PLAAT4: variants seen among roughly 807,000 people sequenced by gnomAD.
PLAAT4 encodes the protein HRAS-like suppressor 4.
Under a neutral mutation model 14.1 loss-of-function variants are expected in PLAAT4, and 12 were observed. The observed-to-expected ratio is 0.85, with a 90% CI of 0.54 to 1.37. PLAAT4 has a LOEUF of 1.37. Among genes scored for constraint, PLAAT4 ranks in the 40% most tolerant of loss-of-function variants. The pLI is 0.00. For missense variants in PLAAT4, 163 were observed against 211.7 expected, an observed-to-expected ratio of 0.77 and a Z score of 1.43; for synonymous variants, 77 against 79.8, an observed-to-expected ratio of 0.96 and a Z score of 0.19.
In PLAAT4 at chr11:63,536,844, C is replaced by A; in HGVS notation, c.-25C>A. 1 of 1,611,020 alleles carries A rather than the reference C, an allele frequency of 6.2e-7. No individual in the cohort carries two copies. The highest frequency in any genetic ancestry group is 8.5e-7 in the Non-Finnish European group (1 of 1,178,746). On this transcript the variant is annotated 5_prime_UTR_variant, in exon 1 of 4. Transcript: ENST00000255688. ...AAAGCTGATCCACAAACAAGAGGAG[C>A]ACCAGACCTCCTCTTGGCTTCGAGA...
chr11:63,539,546 A>AT lies in PLAAT4; in HGVS notation c.42dup (p.Glu15Ter), dbSNP rs755416447. 7.4e-6 allele frequency: 12 copies of AT among 1,614,000 alleles called. No individual in the cohort carries two copies. Among genetic ancestry groups the AT allele is most frequent in the Non-Finnish European group, 8.5e-7 (1 of 1,179,972 alleles). The stretch of plus-strand genomic sequence containing the variant: ...CCAAGAGCCCAAACCTGGAGACCTG[A>AT]TTGAGATTTTCCGCCTTGGCTATGA... On this transcript the variant is annotated frameshift_variant, in exon 2 of 4. Coordinates refer to ENST00000255688, the MANE Select transcript of PLAAT4 (RefSeq NM_004585.5). LOFTEE classifies it high-confidence loss of function.
chr11:63,542,893 C>A (rs2017332678), intron 2 of PLAAT4, among the ~76,000 whole-genome samples: 1 of 152,106 alleles, frequency 6.6e-6, no homozygotes, highest in African/African-American at 2.4e-5. Flanking sequence ...GTATGTAAAA[C>A]AATGCTTGTG....
At chr11:63,538,327 T>G in intron 1 of PLAAT4, 3 of 354,998 alleles carry the variant, frequency 8.5e-6, no homozygotes, top group Non-Finnish European at 1.1e-5. Flanking sequence ...TTCTGAGGAG[T>G]TGGATATGGA....
intron 2 of PLAAT4, among the ~76,000 whole-genome samples, chr11:63,542,591 T>G (rs1466228576): frequency 6.6e-6 from 1 of 152,208 alleles, no homozygotes; most frequent in Non-Finnish European, 1.5e-5. Context: ...AATATCTGGA[T>G]TTTTGGCTAC....
chr11:63,538,668 G>T (rs2017293256), intron 1 of PLAAT4, among the ~76,000 whole-genome samples: 2 of 152,242 alleles, frequency 1.3e-5, no homozygotes, highest in Middle Eastern at 3.4e-3. Context: ...GGAGAAGTGG[G>T]AAGGAGGTGA....
chr11:63,543,499 C>T (rs1417391750), intron 2 of PLAAT4, among the ~76,000 whole-genome samples: 2 of 152,176 alleles, frequency 1.3e-5, no homozygotes, highest in Non-Finnish European at 2.9e-5. Flanking sequence ...AGAGACAGGT[C>T]TCGCCATGTT....
intron 3 of PLAAT4, 53 bp from the exon 4 acceptor site, chr11:63,546,096 A>C: frequency 6.8e-7 from 1 of 1,474,942 alleles, no homozygotes; most frequent in Non-Finnish European, 9.5e-7. Flanking sequence ...GGGAGGGAGA[A>C]AGTGCCAGCC....
chr11:63,545,028 C>A, intron 3 of PLAAT4, 139 bp downstream of exon 3: 3 of 1,195,044 alleles, frequency 2.5e-6, no homozygotes, highest in Non-Finnish European at 3.7e-6. Flanking sequence ...CTCTGAGCTC[C>A]AATGCCAGAT....
chr11:63,536,904 T>C, intron 1 of PLAAT4, 27 bp downstream of exon 1: 1 of 1,610,480 alleles, frequency 6.2e-7, no homozygotes, highest in Non-Finnish European at 8.5e-7. Flanking sequence ...TTTGCATTAC[T>C]GACTCTACAG....
At chr11:63,540,049 A>C (rs2017309190) in intron 2 of PLAAT4, among the ~76,000 whole-genome samples, 1 of 152,258 alleles carries the variant, frequency 6.6e-6, no homozygotes, top group Admixed American at 6.5e-5. Flanking sequence ...TTCTTAGAGG[A>C]TGCTTGATGA....
chr11:63,542,991 T>C (rs1277867122), intron 2 of PLAAT4, among the ~76,000 whole-genome samples: 4 of 152,204 alleles, frequency 2.6e-5, no homozygotes, highest in Non-Finnish European at 4.4e-5. Context: ...TCAAATGTAA[T>C]ACTACCTGGA....
chr11:63,540,008 G>T (rs1364620289), intron 2 of PLAAT4, among the ~76,000 whole-genome samples: 1 of 152,222 alleles, frequency 6.6e-6, no homozygotes, highest in Non-Finnish European at 1.5e-5. Context: ...AGACAGTTAA[G>T]CAAGGGAAAC....
Position 63,546,265 on chromosome 11 carries a change from C to A in PLAAT4, c.*9C>A. On this transcript the variant is annotated 3_prime_UTR_variant, in exon 4 of 4. Transcript: ENST00000255688. ...AAAAAGCGACAGCCTGAAGCAGCCACAAAATCCTGTGTTAGAAGCAGCTGT... is the reference window on the plus strand; with the variant it reads ...AAAAAGCGACAGCCTGAAGCAGCCAAAAAATCCTGTGTTAGAAGCAGCTGT... 1 of 1,613,222 alleles carries A rather than the reference C, an allele frequency of 6.2e-7. No homozygotes were observed. The highest frequency in any genetic ancestry group is 8.5e-7 in the Non-Finnish European group (1 of 1,179,144).
chr11:63,543,284 C>T (rs1464772183), intron 2 of PLAAT4, among the ~76,000 whole-genome samples: 4 of 152,290 alleles, frequency 2.6e-5, no homozygotes, highest in East Asian at 1.9e-4. Context: ...GCCTGAGCTC[C>T]GCCTCTTGTC....
chr11:63,539,436 A>G, intron 1 of PLAAT4, 80 bp from the exon 2 acceptor site: 1 of 1,156,580 alleles, frequency 8.6e-7, no homozygotes, highest in Non-Finnish European at 1.3e-6. Context: ...CGTCTCCAGG[A>G]TGAGCTGCAG....
At chr11:63,544,475 A>C in intron 2 of PLAAT4, 146 bp from the exon 3 acceptor site, 1 of 1,052,418 alleles carries the variant, frequency 9.5e-7, no homozygotes, top group Non-Finnish European at 1.4e-6. Context: ...GTGAGACTCC[A>C]TCAAAATAAA....
chr11:63,537,965 C>T (rs778337070), intron 1 of PLAAT4, among the ~76,000 whole-genome samples: 17 of 152,154 alleles, frequency 1.1e-4, no homozygotes, highest in Non-Finnish European at 2.5e-4. Context: ...CAGAGGCCCC[C>T]GGGGACCCAG....
intron 2 of PLAAT4, among the ~76,000 whole-genome samples, chr11:63,542,967 C>A (rs1161390326): frequency 1.3e-5 from 2 of 152,048 alleles, no homozygotes; most frequent in African/African-American, 2.4e-5. Context: ...AAATTAATAA[C>A]CCTTATAAAA....
chr11:63,546,362 C>T lies in PLAAT4; in HGVS notation c.*106C>T. ...ACCCTCGTGCCCTGTCTCAGGCGTTCTCTAGATCCTTTCCTCTGTTTCCCT... is the reference window on the plus strand; with the variant it reads ...ACCCTCGTGCCCTGTCTCAGGCGTTTTCTAGATCCTTTCCTCTGTTTCCCT... On this transcript the variant is annotated 3_prime_UTR_variant, in exon 4 of 4. Transcript: ENST00000255688. The T allele has an allele frequency of 1.1e-6, 1 of 932,574 alleles. No individual in the cohort carries two copies. The highest frequency in any genetic ancestry group is 1.4e-5 in the South Asian group (1 of 70,096). 57.8% of individuals were successfully genotyped at this position (932,574 alleles called of 1,614,324 possible). A position where few individuals can be genotyped will look rare whatever the true frequency, so the allele number is the denominator to read the frequency against.
Sources: allele counts gnomAD v4.1 joint callset (sites outside exome capture counted in the v4.1 genomes callset), GRCh38; gene constraint gnomAD v4.1.1; transcripts MANE v1.5; gene names NCBI Gene and HGNC (gene_info 2026-07-23, HGNC 2026-07-21).